Variants in ZFHX3 observed in about 807,000 individuals in gnomAD.
ZFHX3 encodes zinc finger homeobox protein 3.
ZFHX3 carries 42 observed loss-of-function variants against 279.1 expected under a neutral mutation model. That is an observed-to-expected ratio of 0.15 (90% confidence interval 0.12 to 0.19). The LOEUF is 0.19. Among genes scored for constraint, ZFHX3 ranks in the 10% least tolerant of loss-of-function variants. The pLI, the probability that ZFHX3 is intolerant of heterozygous loss-of-function variation, is 1.00. For synonymous variants in ZFHX3, 2,293 were observed against 1,957.8 expected (o/e 1.17, Z -4.52); for missense variants, 4,981 against 4,754.0 (o/e 1.05, Z -1.40).
exon 1 of ZFHX3, chr16:73,891,771 TC>T (rs2030547173): frequency 7.0e-6 from 1 of 142,910 alleles, no homozygotes; most frequent in African/African-American, 2.5e-5. Context: ...TCTCTCTCTC[TC>T]TCTTCCTCCT....
chr16:73,523,526 A>G (rs1351963513), intron 2 of ZFHX3, among the ~76,000 whole-genome samples: 1 of 152,030 alleles, frequency 6.6e-6, no homozygotes. Flanking sequence ...TTTTGGCAAA[A>G]TCAGCCTTGC....
chr16:73,815,978 A>G (rs553029717), intron 1 of ZFHX3: 96 of 152,342 alleles, frequency 6.3e-4, no homozygotes, highest in African/African-American at 2.0e-3. Context: ...TCAAGTAACT[A>G]AAGTGGGTGA....
chr16:73,859,269 C>G (rs114345476), intron 1 of ZFHX3, among the ~76,000 whole-genome samples: 1 of 152,128 alleles, frequency 6.6e-6, no homozygotes, highest in African/African-American at 2.4e-5. Context: ...AAAAGAACAT[C>G]GCTAAATTTA....
intron 2 of ZFHX3, among the ~76,000 whole-genome samples, chr16:73,529,228 A>G (rs1170090728): frequency 6.6e-6 from 1 of 152,176 alleles, no homozygotes; most frequent in African/African-American, 2.4e-5. Flanking sequence ...AATTTTGCCC[A>G]GTGGACCGAG....
chr16:73,630,522 T>G (rs1335155636), intron 2 of ZFHX3, among the ~76,000 whole-genome samples: 1 of 152,166 alleles, frequency 6.6e-6, no homozygotes, highest in African/African-American at 2.4e-5. Flanking sequence ...TTCACGCAAC[T>G]CCATACTTAG....
At chr16:73,217,563 C>G (rs553313288) in intron 5 of ZFHX3, among the ~76,000 whole-genome samples, 1 of 152,264 alleles carries the variant, frequency 6.6e-6, no homozygotes, top group Non-Finnish European at 1.5e-5. Flanking sequence ...AGAGAGGACA[C>G]CCATAATACT....
rs150133460 is a variant in ZFHX3, at chr16:73,711,636, T to A, written c.-1607-31396A>T. ...CAGCCAGAAAATCACACTGCACCTCTAGATTTGGAAGCAAAACTGAAAGCA... is the reference window on the plus strand; with the variant it reads ...CAGCCAGAAAATCACACTGCACCTCAAGATTTGGAAGCAAAACTGAAAGCA... On this transcript the variant is annotated intron_variant, in intron 1 of 17. Coordinates refer to the ZFHX3 transcript ENST00000641206. Among the ~76,000 whole-genome samples the A allele has an allele frequency of 3.2e-3, 480 of 152,316 alleles. 2 individuals carry two copies. The highest frequency in any genetic ancestry group is 0.011 in the African/African-American group (453 of 41,562).
intron 4 of ZFHX3, among the ~76,000 whole-genome samples, chr16:73,314,057 C>A (rs574641312): frequency 6.6e-6 from 1 of 152,216 alleles, no homozygotes; most frequent in South Asian, 2.1e-4. Context: ...CAAGATTATA[C>A]CACTGCACTC....
At chr16:73,120,650 C>T (rs4238969) in intron 7 of ZFHX3, among the ~76,000 whole-genome samples, 59,395 of 112,242 alleles carry the variant, frequency 0.53, 15,851 homozygotes, top group Middle Eastern at 0.67. Flanking sequence ...TCCTCTCTAC[C>T]TTTTTTTTTT....
chr16:72,803,854 T>G (rs545441458), intron 7 of ZFHX3, among the ~76,000 whole-genome samples: 14 of 152,226 alleles, frequency 9.2e-5, no homozygotes, highest in Non-Finnish European at 2.1e-4. Context: ...GCATTTTGGG[T>G]CTCTCAAGGT....
intron 1 of ZFHX3, among the ~76,000 whole-genome samples, chr16:73,832,402 A>G (rs1961022163): frequency 6.6e-6 from 1 of 152,346 alleles, no homozygotes; most frequent in Admixed American, 6.5e-5. Context: ...CTTAAGAAAC[A>G]GTACAAAGAC....
chr16:73,663,357 T>C (rs1188871371), intron 2 of ZFHX3, among the ~76,000 whole-genome samples: 1 of 152,164 alleles, frequency 6.6e-6, no homozygotes, highest in Non-Finnish European at 1.5e-5. Flanking sequence ...TAAAGACAAA[T>C]GCAACAGGCA....
intron 1 of ZFHX3, among the ~76,000 whole-genome samples, chr16:73,721,586 C>T (rs2053474135): frequency 6.6e-6 from 1 of 152,188 alleles, no homozygotes; most frequent in African/African-American, 2.4e-5. Context: ...CTCTTCCTAA[C>T]CGGCATGCCC....
intron 1 of ZFHX3, among the ~76,000 whole-genome samples, chr16:72,980,604 A>T (rs903730854): frequency 1.5e-5 from 2 of 131,664 alleles, no homozygotes; most frequent in Non-Finnish European, 3.3e-5. Context: ...ACCAAAAGTT[A>T]AAAAAAAAAA....
chr16:72,835,924 T>C (rs1476644523), intron 4 of ZFHX3, among the ~76,000 whole-genome samples: 2 of 152,220 alleles, frequency 1.3e-5, no homozygotes, highest in Admixed American at 6.5e-5. Flanking sequence ...CTACAGAATA[T>C]GCAGGCTTTA....
At chr16:73,332,808 C>G (rs764693417) in intron 3 of ZFHX3, among the ~76,000 whole-genome samples, 3 of 152,194 alleles carry the variant, frequency 2.0e-5, no homozygotes, top group Non-Finnish European at 2.9e-5. Context: ...CTCCATGCAA[C>G]AAGAGTGGTG....
chr16:73,120,612 G>GT (rs1338656075), intron 7 of ZFHX3, among the ~76,000 whole-genome samples: 1 of 118,456 alleles, frequency 8.4e-6, no homozygotes, highest in African/African-American at 3.2e-5. Flanking sequence ...TCTTGATATT[G>GT]TTTTTGTTTG....
intron 1 of ZFHX3, among the ~76,000 whole-genome samples, chr16:73,736,207 T>A (rs954956293): frequency 6.6e-6 from 1 of 152,146 alleles, no homozygotes; most frequent in Non-Finnish European, 1.5e-5. Context: ...GGGTTTCTAG[T>A]TCATCGTCAC....
intron 2 of ZFHX3, among the ~76,000 whole-genome samples, chr16:73,648,973 C>T (rs906131062): frequency 6.6e-6 from 1 of 152,156 alleles, no homozygotes; most frequent in African/African-American, 2.4e-5. Flanking sequence ...AAAAAGTCCT[C>T]TAGATGCACA....
Sources: allele counts gnomAD v4.1 joint callset (sites outside exome capture counted in the v4.1 genomes callset), GRCh38; gene constraint gnomAD v4.1.1; transcripts MANE v1.5; gene names NCBI Gene and HGNC (gene_info 2026-07-23, HGNC 2026-07-21).